BAALC: variants seen among roughly 807,000 people sequenced by gnomAD.
BAALC encodes brain and acute leukemia cytoplasmic protein.
BAALC carries 9 observed loss-of-function variants against 15.5 expected under a neutral mutation model. The observed-to-expected ratio is 0.58, with a 90% CI of 0.35 to 1.02. BAALC has a LOEUF of 1.02. BAALC is among the 50% of genes least tolerant of loss of function. BAALC has a pLI of 0.02. For synonymous variants in BAALC, 80 were observed against 74.6 expected (o/e 1.07, Z -0.37); for missense variants, 201 against 192.4 (o/e 1.04, Z -0.27).
chr8:103,199,325 T>G (rs1487047545), intron 1 of BAALC, among the ~76,000 whole-genome samples: 2 of 152,244 alleles, frequency 1.3e-5, no homozygotes, highest in African/African-American at 4.8e-5. Context: ...TTATCAGACT[T>G]TTTAACTTTT....
intron 1 of BAALC, chr8:103,190,823 G>T (rs1811949416): frequency 6.6e-6 from 1 of 152,154 alleles, no homozygotes; most frequent in Non-Finnish European, 1.5e-5. Context: ...AAAATTGCTG[G>T]CGTGTATAGA....
chr8:103,181,133 G>A (rs190033603), intron 1 of BAALC, among the ~76,000 whole-genome samples: 4 of 152,210 alleles, frequency 2.6e-5, no homozygotes, highest in Admixed American at 6.5e-5. Flanking sequence ...ATCCCACAAC[G>A]GTTCCTTCCT....
chr8:103,220,979 G>A (rs74339929), intron 2 of BAALC, among the ~76,000 whole-genome samples: 3,269 of 152,296 alleles, frequency 0.021, 58 homozygotes, highest in Non-Finnish European at 0.035. Flanking sequence ...TTCAAGCAAA[G>A]CTGAGAACAT....
At chr8:103,220,153 T>G (rs1334588887) in intron 2 of BAALC, among the ~76,000 whole-genome samples, 1 of 152,176 alleles carries the variant, frequency 6.6e-6, no homozygotes, top group Non-Finnish European at 1.5e-5. Context: ...GCGGAGAATT[T>G]AGAGTGAGCT....
intron 1 of BAALC, among the ~76,000 whole-genome samples, chr8:103,180,635 T>G (rs777222447): frequency 5.3e-5 from 8 of 152,056 alleles, no homozygotes; most frequent in Non-Finnish European, 8.8e-5. Context: ...CAGAAGGATG[T>G]AGGGAGAGGA....
intron 1 of BAALC, among the ~76,000 whole-genome samples, chr8:103,194,830 G>A (rs1211371055): frequency 2.0e-5 from 3 of 152,130 alleles, no homozygotes; most frequent in Non-Finnish European, 4.4e-5. Context: ...CATGGTGGAA[G>A]AGCAAAAAAT....
intron 1 of BAALC, among the ~76,000 whole-genome samples, chr8:103,148,402 G>A (rs1810918173): frequency 6.6e-6 from 1 of 152,158 alleles, no homozygotes; most frequent in Admixed American, 6.5e-5. Context: ...ATTTCTGTGG[G>A]TACATAGTAG....
intron 1 of BAALC, among the ~76,000 whole-genome samples, chr8:103,189,545 T>A (rs1050820488): frequency 6.6e-6 from 1 of 152,010 alleles, no homozygotes; most frequent in African/African-American, 2.4e-5. Flanking sequence ...AAGCAAGGGA[T>A]CATTTAGAGT....
intron 1 of BAALC, among the ~76,000 whole-genome samples, chr8:103,161,416 C>G (rs6994827): frequency 0.061 from 9,329 of 152,160 alleles, 423 homozygotes; most frequent in African/African-American, 0.13. Flanking sequence ...TGTCCCTTGA[C>G]TTTCACTGAA....
intron 1 of BAALC, among the ~76,000 whole-genome samples, chr8:103,151,265 C>T (rs916169298): frequency 1.3e-5 from 2 of 152,134 alleles, no homozygotes; most frequent in African/African-American, 4.8e-5. Context: ...GATCTGCCTG[C>T]TTTGGCCTCC....
At chr8:103,219,720 C>A (rs1258389380) in intron 2 of BAALC, among the ~76,000 whole-genome samples, 1 of 152,208 alleles carries the variant, frequency 6.6e-6, no homozygotes, top group Non-Finnish European at 1.5e-5. Context: ...TATCCCCTGA[C>A]TGACCTTGCA....
chr8:103,224,255 A>AC (rs1170759796), intron 2 of BAALC, among the ~76,000 whole-genome samples: 1 of 152,128 alleles, frequency 6.6e-6, no homozygotes, highest in African/African-American at 2.4e-5. Context: ...AATATGAGTG[A>AC]CCATGGCCCG....
chr8:103,192,732 G>A (rs752573032), intron 1 of BAALC, among the ~76,000 whole-genome samples: 16 of 152,158 alleles, frequency 1.1e-4, no homozygotes, highest in Non-Finnish European at 1.9e-4. Flanking sequence ...ACTCCCTACC[G>A]CCAGGCTTGA....
chr8:103,160,261 C>T (rs1018477193), intron 1 of BAALC, among the ~76,000 whole-genome samples: 9 of 152,110 alleles, frequency 5.9e-5, no homozygotes, highest in African/African-American at 1.9e-4. Flanking sequence ...GCTCAAAGGC[C>T]GCATTACAGA....
At chr8:103,176,845 T>C (rs1224185955) in intron 1 of BAALC, among the ~76,000 whole-genome samples, 1 of 152,194 alleles carries the variant, frequency 6.6e-6, no homozygotes, top group African/African-American at 2.4e-5. Context: ...AAGGAAGAAC[T>C]GTGAATAGAA....
At chr8:103,198,708 A>G (rs921538024) in intron 1 of BAALC, among the ~76,000 whole-genome samples, 6 of 152,108 alleles carry the variant, frequency 3.9e-5, no homozygotes, top group African/African-American at 1.2e-4. Context: ...GTTTCAGACC[A>G]GCCGGGGCAA....
Position 103,228,211 on chromosome 8 carries a change from T to A in BAALC, c.*112T>A. Reference sequence around the variant, plus strand: ...GCCCCTTGCTGGACCTGAATTCTACTGAGTCCCTGGCAAGACTGTCTTACC... The same window carrying A: ...GCCCCTTGCTGGACCTGAATTCTACAGAGTCCCTGGCAAGACTGTCTTACC... On this transcript the variant is annotated 3_prime_UTR_variant, in exon 3 of 3. Transcript: ENST00000309982. 1.4e-6 allele frequency: 1 copy of A among 725,894 alleles called. No homozygotes were observed. The allele number at this position is 725,894 out of a possible 1,614,324, so 45.0% of individuals were successfully genotyped here. A position where few individuals can be genotyped will look rare whatever the true frequency, so the allele number is the denominator to read the frequency against.
At chr8:103,162,023 C>T (rs896490400) in intron 1 of BAALC, among the ~76,000 whole-genome samples, 19 of 152,084 alleles carry the variant, frequency 1.2e-4, no homozygotes, top group Non-Finnish European at 2.4e-4. Flanking sequence ...CACAGTGATA[C>T]GATCAAGGTT....
intron 1 of BAALC, among the ~76,000 whole-genome samples, chr8:103,203,738 A>G (rs1447172788): frequency 6.6e-6 from 1 of 152,220 alleles, no homozygotes; most frequent in Non-Finnish European, 1.5e-5. Context: ...AGGTTCATCA[A>G]TGTCGTAGTA....
Sources: gnomAD v4.1 joint callset for allele counts (sites outside exome capture counted in the v4.1 genomes callset) on GRCh38, gnomAD v4.1.1 for gene constraint, MANE v1.5 for transcripts, NCBI Gene and HGNC (gene_info 2026-07-23, HGNC 2026-07-21) for gene names.